GNA12: variants seen among roughly 807,000 people sequenced by gnomAD.
The protein encoded by GNA12 is guanine nucleotide-binding protein subunit alpha-12.
A neutral mutation model predicts 26.0 loss-of-function variants in GNA12; 9 were observed. The ratio of observed to expected loss-of-function variants is 0.35; its 90% CI spans 0.21 to 0.60. The LOEUF (loss-of-function observed/expected upper bound fraction) is 0.60, where lower values mean the gene tolerates loss of function less well. GNA12 is among the 20% of genes least tolerant of loss of function. The probability of loss-of-function intolerance (pLI) is 0.78; values close to 1 mark genes in which losing one functional copy is unlikely to be tolerated. For missense variants in GNA12, 405 were observed against 525.8 expected, an observed-to-expected ratio of 0.77 and a Z score of 2.25; for synonymous variants, 264 against 219.6, an observed-to-expected ratio of 1.20 and a Z score of -1.79.
chr7:2,738,467 AC>A (rs1790327339), intron 2 of GNA12, among the ~76,000 whole-genome samples: 1 of 152,160 alleles, frequency 6.6e-6, no homozygotes, highest in Non-Finnish European at 1.5e-5. Flanking sequence ...GGTTTCCGAT[AC>A]CCACTGCCAA....
chr7:2,807,495 T>G (rs1197057097), intron 1 of GNA12, among the ~76,000 whole-genome samples: 1 of 151,958 alleles, frequency 6.6e-6, no homozygotes, highest in East Asian at 1.9e-4. Context: ...CAAGAGAGCC[T>G]TGAATTTGAT....
chr7:2,750,512 A>G (rs1350733383), intron 2 of GNA12, among the ~76,000 whole-genome samples: 2 of 152,256 alleles, frequency 1.3e-5, no homozygotes, highest in Non-Finnish European at 2.9e-5. Flanking sequence ...ACCTATGGTC[A>G]AGTTTAATTG....
intron 2 of GNA12, among the ~76,000 whole-genome samples, chr7:2,782,865 T>C (rs1250240074): frequency 6.6e-6 from 1 of 152,210 alleles, no homozygotes; most frequent in Non-Finnish European, 1.5e-5. Flanking sequence ...ACATTCTTGA[T>C]ACTTTCTTCC....
At position 2,728,229 on chromosome 7, in the gene GNA12, C is replaced by G. The variant is rs1206954456; in HGVS notation, c.*2952G>C. 1.3e-5 allele frequency: 2 copies of G among 152,322 alleles called. No individual in the cohort carries two copies. The highest frequency in any genetic ancestry group is 4.8e-5 in the African/African-American group (2 of 41,438). The allele number at this position is 152,322 out of a possible 1,614,324, so 9.4% of individuals were successfully genotyped here. ...TGTGCAAAGCTTACACCATGAACAACTGACCCGGACCACTACCATTCCAAT... is the reference window on the plus strand; with the variant it reads ...TGTGCAAAGCTTACACCATGAACAAGTGACCCGGACCACTACCATTCCAAT... On this transcript the variant is annotated 3_prime_UTR_variant, in exon 4 of 4. Coordinates refer to ENST00000275364, the MANE Select transcript of GNA12 (RefSeq NM_007353.3).
At chr7:2,745,782 G>A (rs1226822986) in intron 2 of GNA12, among the ~76,000 whole-genome samples, 11 of 152,082 alleles carry the variant, frequency 7.2e-5, no homozygotes, top group Non-Finnish European at 1.3e-4. Flanking sequence ...CCCATCTCAC[G>A]TGCAGAGACA....
chr7:2,756,467 T>G (rs980882579), intron 2 of GNA12, among the ~76,000 whole-genome samples: 5 of 151,920 alleles, frequency 3.3e-5, no homozygotes, highest in African/African-American at 9.7e-5. Context: ...TTTTAAAAAT[T>G]AGTCAGGTGT....
chr7:2,765,673 C>T (rs1791778961), intron 2 of GNA12, among the ~76,000 whole-genome samples: 1 of 151,910 alleles, frequency 6.6e-6, no homozygotes, highest in Non-Finnish European at 1.5e-5. Flanking sequence ...CTCTGTCACC[C>T]AGGCTGGAGT....
intron 2 of GNA12, among the ~76,000 whole-genome samples, chr7:2,741,696 C>A (rs1212123149): frequency 6.6e-6 from 1 of 152,038 alleles, no homozygotes; most frequent in African/African-American, 2.4e-5. Context: ...TCTTTCAATA[C>A]ACAGACTTTT....
At chr7:2,810,460 T>C (rs1793054197) in intron 1 of GNA12, among the ~76,000 whole-genome samples, 1 of 152,108 alleles carries the variant, frequency 6.6e-6, no homozygotes, top group Non-Finnish European at 1.5e-5. Flanking sequence ...GCACTGCAAA[T>C]GAGTAAAATA....
intron 1 of GNA12, chr7:2,835,749 A>G: frequency 1.3e-6 from 1 of 779,990 alleles, no homozygotes; most frequent in Admixed American, 1.9e-5. Flanking sequence ...TAGAAGTAAA[A>G]CAGAAACAAC....
chr7:2,813,594 A>T (rs1352586221), intron 1 of GNA12, among the ~76,000 whole-genome samples: 5 of 152,186 alleles, frequency 3.3e-5, no homozygotes, highest in East Asian at 1.9e-4. Flanking sequence ...AAAACAAACA[A>T]ACATGCTGGA....
rs576976411 is a variant in GNA12, at chr7:2,755,105, C to T, written c.526-21604G>A. ...GGGCGTGCTGGCGGGGAGCGATCCA[C>T]GGGTCTGTCCAGTGACCTCGTGTCT... On this transcript the variant is annotated intron_variant, in intron 2 of 3. Transcript: ENST00000275364. 9.2e-5 allele frequency among the ~76,000 whole-genome samples: 14 copies of T among 152,300 alleles called. No homozygotes were observed. The South Asian group carries it at 2.3e-3, about 25-fold the overall frequency.
At chr7:2,753,260 C>T (rs957509596) in intron 2 of GNA12, among the ~76,000 whole-genome samples, 2 of 152,058 alleles carry the variant, frequency 1.3e-5, no homozygotes, top group African/African-American at 2.4e-5. Context: ...CTCAAATGAT[C>T]CTCCTGCCTC....
chr7:2,741,507 G>A (rs930509552), intron 2 of GNA12, among the ~76,000 whole-genome samples: 3 of 152,138 alleles, frequency 2.0e-5, no homozygotes, highest in Non-Finnish European at 4.4e-5. Flanking sequence ...TACTTTTTGG[G>A]GAAATTCACA....
intron 2 of GNA12, among the ~76,000 whole-genome samples, chr7:2,744,561 G>C (rs1386509597): frequency 1.3e-5 from 2 of 152,186 alleles, no homozygotes; most frequent in Non-Finnish European, 2.9e-5. Flanking sequence ...AGACCACAAA[G>C]ATGGGGAAAA....
At chr7:2,757,128 CCTTTTTTTTTT>C (rs1317709747) in intron 2 of GNA12, among the ~76,000 whole-genome samples, 38 of 115,134 alleles carry the variant, frequency 3.3e-4, no homozygotes, top group Non-Finnish European at 5.5e-4. Flanking sequence ...ATCAGGTGGG[CCTTTTTTTTTT>C]TTTTTTTTTT....
At chr7:2,834,778 G>A (rs1486192562) in intron 1 of GNA12, among the ~76,000 whole-genome samples, 1 of 152,150 alleles carries the variant, frequency 6.6e-6, no homozygotes, top group African/African-American at 2.4e-5. Context: ...ATGGCCCACA[G>A]TATTCAGTAT....
intron 2 of GNA12, among the ~76,000 whole-genome samples, chr7:2,759,930 C>T (rs1011932051): frequency 2.6e-5 from 4 of 152,214 alleles, no homozygotes; most frequent in African/African-American, 9.6e-5. Context: ...CTGCCACCTG[C>T]TCCTGCCAAG....
chr7:2,823,921 C>A (rs566246952), intron 1 of GNA12, among the ~76,000 whole-genome samples: 10 of 152,084 alleles, frequency 6.6e-5, no homozygotes, highest in Admixed American at 1.3e-4. Context: ...AAATAAATCC[C>A]CTTTAATTAG....
Sources: gnomAD v4.1 joint callset for allele counts (sites outside exome capture counted in the v4.1 genomes callset) on GRCh38, gnomAD v4.1.1 for gene constraint, MANE v1.5 for transcripts, NCBI Gene and HGNC (gene_info 2026-07-23, HGNC 2026-07-21) for gene names.